The following ANKRD11 variants were observed in gnomAD, a reference collection of about 807,000 sequenced individuals.
ANKRD11 encodes the protein ankyrin repeat domain 11.
A neutral mutation model predicts 195.7 loss-of-function variants in ANKRD11; 17 were observed. The ratio of observed to expected loss-of-function variants is 0.09; its 90% CI spans 0.06 to 0.13. ANKRD11 has a LOEUF of 0.13. Ranked by LOEUF, ANKRD11 falls within the 10% of genes least tolerant of loss-of-function variation. The pLI is 1.00. For missense variants in ANKRD11, 3,735 were observed against 3,566.1 expected, an observed-to-expected ratio of 1.05 and a Z score of -1.21; for synonymous variants, 1,953 against 1,528.1, an observed-to-expected ratio of 1.28 and a Z score of -6.49.
chr16:89,447,054 C>G (rs2043825189), intron 1 of ANKRD11, among the ~76,000 whole-genome samples: 1 of 152,126 alleles, frequency 6.6e-6, no homozygotes, highest in Non-Finnish European at 1.5e-5. Flanking sequence ...CATCCCTCCC[C>G]ACCCTACGAA....
At chr16:89,289,192 G>A (rs1382915348) in intron 6 of ANKRD11, among the ~76,000 whole-genome samples, 4 of 152,140 alleles carry the variant, frequency 2.6e-5, no homozygotes, top group African/African-American at 7.2e-5. Context: ...GTCCACCATC[G>A]GACGGTGTGG....
At chr16:89,466,466 G>A (rs1370287986) in intron 1 of ANKRD11, among the ~76,000 whole-genome samples, 1 of 152,144 alleles carries the variant, frequency 6.6e-6, no homozygotes, top group East Asian at 1.9e-4. Flanking sequence ...ACTGTGAGCT[G>A]TAAATGGTAA....
At chr16:89,469,521 T>C (rs1292637402) in intron 1 of ANKRD11, among the ~76,000 whole-genome samples, 3 of 149,936 alleles carry the variant, frequency 2.0e-5, no homozygotes, top group Non-Finnish European at 4.4e-5. Flanking sequence ...CCGCACCTGG[T>C]TGATCTCCAC....
chr16:89,390,595 C>T (rs1201769801), intron 2 of ANKRD11, among the ~76,000 whole-genome samples: 1 of 152,094 alleles, frequency 6.6e-6, no homozygotes, highest in Non-Finnish European at 1.5e-5. Context: ...GACCAAGGCA[C>T]ATCACAGAGG....
chr16:89,462,013 C>T (rs192512354), intron 1 of ANKRD11, among the ~76,000 whole-genome samples: 4 of 151,734 alleles, frequency 2.6e-5, no homozygotes, highest in South Asian at 2.1e-4. Flanking sequence ...TTAAAAAAAG[C>T]GTCACGCTCC....
chr16:89,473,654 GGA>G, intron 1 of ANKRD11, among the ~76,000 whole-genome samples: 1 of 152,208 alleles, frequency 6.6e-6, no homozygotes, highest in East Asian at 1.9e-4. Context: ...ACGTCATGGA[GGA>G]GAGAGAGATG....
intron 12 of ANKRD11, 153 bp downstream of exon 12, chr16:89,270,664 C>G: frequency 1.3e-6 from 1 of 775,406 alleles, no homozygotes; most frequent in East Asian, 2.7e-5. Context: ...CCGAAAGCAT[C>G]GGCCAGATTA....
intron 12 of ANKRD11, among the ~76,000 whole-genome samples, chr16:89,268,977 T>G (rs1567533841): frequency 6.6e-6 from 1 of 152,242 alleles, no homozygotes; most frequent in Non-Finnish European, 1.5e-5. Context: ...TGCAGCTTAT[T>G]AGAATCGAAC....
chr16:89,350,406 G>T (rs2039153809), intron 2 of ANKRD11, among the ~76,000 whole-genome samples: 2 of 152,060 alleles, frequency 1.3e-5, no homozygotes, highest in African/African-American at 4.8e-5. Flanking sequence ...CTAAAACTAG[G>T]AAACAACGGA....
chr16:89,380,695 C>T lies in ANKRD11; in HGVS notation c.-60+37589G>A, dbSNP rs542524849. On this transcript the variant is annotated intron_variant, in intron 2 of 12. Coordinates refer to ENST00000301030, the MANE Select transcript of ANKRD11 (RefSeq NM_013275.6). ...TAGAAATAAATGAAGGAAAGCCTGA[C>T]GAGTACCTGCCTGCTTTCCAGGGAA... Among the ~76,000 whole-genome samples, 22 of 152,316 alleles carry T rather than the reference C, an allele frequency of 1.4e-4. No homozygotes were observed. The East Asian group carries it at 2.7e-3, about 19-fold the overall frequency.
At chr16:89,457,669 C>T (rs2056497591) in intron 1 of ANKRD11, among the ~76,000 whole-genome samples, 1 of 151,496 alleles carries the variant, frequency 6.6e-6, no homozygotes, top group South Asian at 2.1e-4. Context: ...AGAAAGTGGG[C>T]TGGCAGTGCT....
Position 89,396,641 on chromosome 16 carries a change from G to C in ANKRD11, c.-60+21643C>G, listed in dbSNP as rs150041364. 6.6e-5 allele frequency among the ~76,000 whole-genome samples: 10 copies of C among 152,210 alleles called. No individual in the cohort carries two copies. In the East Asian group the frequency reaches 1.9e-3, roughly 29 times the overall value. The stretch of plus-strand genomic sequence containing the variant: ...TCTTCTATGAAGCCACACATTAATG[G>C]GGTTTGTACAATTTTAAGGAAATGC... On this transcript the variant is annotated intron_variant, in intron 2 of 12. Coordinates refer to ENST00000301030, the MANE Select transcript of ANKRD11 (RefSeq NM_013275.6).
At chr16:89,428,078 C>G (rs536715747) in intron 1 of ANKRD11, among the ~76,000 whole-genome samples, 4 of 151,102 alleles carry the variant, frequency 2.6e-5, no homozygotes, top group Non-Finnish European at 5.9e-5. Flanking sequence ...CATGGTGGCG[C>G]GCGCCTGTAA....
At chr16:89,316,242 G>T (rs969073206) in intron 3 of ANKRD11, among the ~76,000 whole-genome samples, 3 of 152,256 alleles carry the variant, frequency 2.0e-5, no homozygotes, top group South Asian at 2.1e-4. Flanking sequence ...ACTTGTTGAC[G>T]GTCACAAAGA....
chr16:89,468,095 C>T (rs539684827), intron 1 of ANKRD11, among the ~76,000 whole-genome samples: 37 of 152,284 alleles, frequency 2.4e-4, no homozygotes, highest in African/African-American at 7.7e-4. Flanking sequence ...TGAGCCACCA[C>T]GCCCAGACTG....
At chr16:89,425,266 T>G (rs1229680222) in intron 1 of ANKRD11, among the ~76,000 whole-genome samples, 1 of 152,146 alleles carries the variant, frequency 6.6e-6, no homozygotes, top group Non-Finnish European at 1.5e-5. Flanking sequence ...GGTCACATTT[T>G]AAATGGTGGG....
At chr16:89,370,133 T>A (rs1567711172) in intron 2 of ANKRD11, among the ~76,000 whole-genome samples, 1 of 152,174 alleles carries the variant, frequency 6.6e-6, no homozygotes, top group Non-Finnish European at 1.5e-5. Flanking sequence ...TGGAAAAGGA[T>A]CAGACTCAGT....
intron 1 of ANKRD11, among the ~76,000 whole-genome samples, chr16:89,440,964 A>G (rs1459511251): frequency 6.6e-6 from 1 of 152,200 alleles, no homozygotes; most frequent in Non-Finnish European, 1.5e-5. Context: ...GCGGCCAGAC[A>G]CAGTGGCTCA....
chr16:89,378,316 A>T (rs1445127085), intron 2 of ANKRD11, among the ~76,000 whole-genome samples: 4 of 152,178 alleles, frequency 2.6e-5, no homozygotes, highest in African/African-American at 9.7e-5. Flanking sequence ...TTATATGTGG[A>T]CTTGACTGTA....
Sources: gnomAD v4.1 joint callset for allele counts (sites outside exome capture counted in the v4.1 genomes callset) on GRCh38, gnomAD v4.1.1 for gene constraint, MANE v1.5 for transcripts, NCBI Gene and HGNC (gene_info 2026-07-23, HGNC 2026-07-21) for gene names.